Variants in COX4I2 observed in about 807,000 individuals in gnomAD.
The protein encoded by COX4I2 is cytochrome c oxidase subunit 4 isoform 2, mitochondrial.
A neutral mutation model predicts 20.8 loss-of-function variants in COX4I2; 15 were observed. That is an observed-to-expected ratio of 0.72 (90% CI 0.48 to 1.11). COX4I2 has a LOEUF of 1.11. Among genes scored for constraint, COX4I2 ranks in the 50% most tolerant of loss-of-function variants. The pLI, the probability that COX4I2 is intolerant of heterozygous loss-of-function variation, is 0.00. For missense variants in COX4I2, 224 were observed against 223.0 expected (o/e 1.00, Z -0.03); for synonymous variants, 80 against 78.1 (o/e 1.02, Z -0.13).
chr20:31,642,993 A>G (rs1426745173), intron 3 of COX4I2, among the ~76,000 whole-genome samples: 3 of 152,092 alleles, frequency 2.0e-5, no homozygotes, highest in Non-Finnish European at 4.4e-5. Context: ...CTCATTTGCT[A>G]AATTCTCTCT....
At chr20:31,642,566 A>G (rs1044530519) in intron 3 of COX4I2, among the ~76,000 whole-genome samples, 3 of 149,866 alleles carry the variant, frequency 2.0e-5, no homozygotes, top group Non-Finnish European at 4.4e-5. Context: ...CAGCCTCTCG[A>G]GTAGCTGGGA....
chr20:31,639,956 C>T lies in COX4I2; in HGVS notation c.106C>T (p.Pro36Ser). Reference sequence around the variant, plus strand: ...AGCCCGTGGTGGGGGGAAGATGTCCCCCTACACCAACTGCTATGCCCAGCG... The same window carrying T: ...AGCCCGTGGTGGGGGGAAGATGTCCTCCTACACCAACTGCTATGCCCAGCG... The part of the protein sequence containing the change: ...GTTRGGGKMS[P>S]YTNCYAQRYY... Residue 36 changes from proline to serine, a missense_variant, in exon 3 of 5, where the codon CCC (proline) becomes TCC (serine). Physicochemically the swap from Pro to Ser is moderately conservative, Grantham distance 74 (BLOSUM62 -1). Coordinates refer to ENST00000376075, the MANE Select transcript of COX4I2 (RefSeq NM_032609.3). 6.2e-7 allele frequency: 1 copy of T among 1,614,096 alleles called. No homozygotes were observed. Among genetic ancestry groups the T allele is most frequent in the Non-Finnish European group, 8.5e-7 (1 of 1,180,010 alleles).
At position 31,643,449 on chromosome 20, in the gene COX4I2, G is replaced by A. The variant is rs373809337; in HGVS notation, c.293G>A (p.Arg98His). Reference sequence around the variant, plus strand: ...GAGACCTTTGCGGAGATGAACCGTCGCTCCAATGAGTGGAAGACAGTGATG... The same window carrying A: ...GAGACCTTTGCGGAGATGAACCGTCACTCCAATGAGTGGAAGACAGTGATG... ...FNETFAEMNR[R>H]SNEWKTVMGC... is the part of the protein sequence containing the mutation. The change falls in exon 4 of 5, where the codon CGC becomes CAC. Residue 98 changes from arginine (R) to histidine (H), a missense_variant. Transcript: ENST00000376075. The A allele has an allele frequency of 6.2e-6, 10 of 1,614,132 alleles. No individual in the cohort carries two copies. Among genetic ancestry groups the A allele is most frequent in the Admixed American group, 1.7e-5 (1 of 60,000 alleles).
chr20:31,642,923 A>G (rs1055699720), intron 3 of COX4I2, among the ~76,000 whole-genome samples: 8 of 152,076 alleles, frequency 5.3e-5, no homozygotes, highest in African/African-American at 1.2e-4. Context: ...ACTCTTCTCC[A>G]TGGATTCTAA....
chr20:31,640,218 C>T, intron 3 of COX4I2, 121 bp downstream of exon 3: 1 of 1,022,866 alleles, frequency 9.8e-7, no homozygotes, highest in Non-Finnish European at 1.4e-6. Flanking sequence ...CCTCCAAACA[C>T]CTGAGGGGTG....
intron 3 of COX4I2, among the ~76,000 whole-genome samples, chr20:31,642,388 A>G (rs1000186674): frequency 2.7e-5 from 4 of 148,494 alleles, no homozygotes; most frequent in Admixed American, 2.7e-4. Context: ...ATTTATTTTC[A>G]TATTTATTTA....
chr20:31,639,234 A>C, intron 2 of COX4I2, 135 bp downstream of exon 2: 1 of 1,526,856 alleles, frequency 6.5e-7, no homozygotes, highest in East Asian at 2.5e-5. Flanking sequence ...CCATGATCCC[A>C]CTCCTTGGTC....
intron 3 of COX4I2, among the ~76,000 whole-genome samples, chr20:31,642,390 AT>A: frequency 7.5e-6 from 1 of 134,208 alleles, no homozygotes; most frequent in African/African-American, 2.8e-5. Context: ...TTATTTTCAT[AT>A]TTATTTAATG....
intron 2 of COX4I2, 72 bp from the exon 3 acceptor site, chr20:31,639,860 TC>T (rs1192324181): frequency 6.4e-7 from 1 of 1,570,002 alleles, no homozygotes; most frequent in Non-Finnish European, 8.7e-7. Flanking sequence ...CCGGCCACCT[TC>T]TTTATTAATA....
chr20:31,639,803 G>A lies in COX4I2; in HGVS notation c.83-130G>A, dbSNP rs993949981. 38 of 966,426 alleles carry A rather than the reference G, an allele frequency of 3.9e-5. No individual in the cohort carries two copies. In the South Asian group the frequency reaches 4.3e-4, roughly 11 times the overall value. The allele number at this position is 966,426 out of a possible 1,614,324, so 59.9% of individuals were successfully genotyped here. ...GAACTCCTGACCTCGTGATCCACCC[G>A]CCTCAGCCTCCCAAAATGCTAGGAT... On this transcript the variant is annotated intron_variant, in intron 2 of 4. Coordinates refer to ENST00000376075, the MANE Select transcript of COX4I2 (RefSeq NM_032609.3).
Position 31,639,990 on chromosome 20 carries a change from C to A in COX4I2, c.140C>A (p.Pro47His). The change falls in exon 3 of 5, where the codon CCC (proline) becomes CAC (histidine). Residue 47 changes from proline to histidine, a missense_variant. Coordinates refer to ENST00000376075, the MANE Select transcript of COX4I2 (RefSeq NM_032609.3). ...YTNCYAQRYY[P>H]MPEEPFCTEL... ...AACTGCTATGCCCAGCGCTACTACCCCATGCCAGAAGAGCCCTTCTGCACA... is the reference window on the plus strand; with the variant it reads ...AACTGCTATGCCCAGCGCTACTACCACATGCCAGAAGAGCCCTTCTGCACA... 1 of 1,614,118 alleles carries A rather than the reference C, an allele frequency of 6.2e-7. No individual in the cohort carries two copies.
rs564210225 is a variant in COX4I2, at chr20:31,641,701, C to CT, written c.247+1615dup. Among the ~76,000 whole-genome samples, 222 of 148,116 alleles carry CT rather than the reference C, an allele frequency of 1.5e-3. 1 individual carries two copies. Among genetic ancestry groups the CT allele is most frequent in the African/African-American group, 4.5e-3 (181 of 40,548 alleles). ...CAGTGTAACCTCACAGCTCAAACAA[C>CT]TTTTTTTTTTTCCTTTTCTTTGAGA... is the stretch of plus-strand genomic sequence containing the variant. On this transcript the variant is annotated intron_variant, in intron 3 of 4. Transcript: ENST00000376075.
At position 31,639,117 on chromosome 20, in the gene COX4I2, T is replaced by A. The variant is rs1403193268; in HGVS notation, c.82+18T>A. 1.3e-6 allele frequency: 2 copies of A among 1,596,628 alleles called. No homozygotes were observed. Among genetic ancestry groups the A allele is most frequent in the South Asian group, 2.3e-5 (2 of 87,988 alleles). Reference sequence around the variant, plus strand: ...AGGCACCAGTGAGACCTGGACTCCTTCCTCCCTGCCTAACTCCAGAGATAG... The same window carrying A: ...AGGCACCAGTGAGACCTGGACTCCTACCTCCCTGCCTAACTCCAGAGATAG... On this transcript the variant is annotated intron_variant, in intron 2 of 4. Coordinates refer to ENST00000376075, the MANE Select transcript of COX4I2 (RefSeq NM_032609.3).
rs762283502 is a variant in COX4I2 at position 31,643,484 on chromosome 20, T to G, written c.328T>G (p.Phe110Val). The G allele has an allele frequency of 5.6e-5, 91 of 1,613,784 alleles. No homozygotes were observed. The highest frequency in any genetic ancestry group is 3.5e-4 in the Admixed American group (21 of 59,988). Reference sequence around the variant, plus strand: ...GTGGAAGACAGTGATGGGTTGTGTCTTCTTCTTCATTGGATTCGCAGCTCT... The same window carrying G: ...GTGGAAGACAGTGATGGGTTGTGTCGTCTTCTTCATTGGATTCGCAGCTCT... Reference protein sequence around the residue: ...NEWKTVMGCVFFFIGFAALVI... With the variant: ...NEWKTVMGCVVFFIGFAALVI... Residue 110 changes from phenylalanine to valine, a missense_variant, in exon 4 of 5, where the codon TTC becomes GTC. Physicochemically the swap from Phe to Val is conservative, Grantham distance 50 (BLOSUM62 -1). Coordinates refer to ENST00000376075, the MANE Select transcript of COX4I2 (RefSeq NM_032609.3).
At chr20:31,641,363 GAAAAA>G (rs570887265) in intron 3 of COX4I2, among the ~76,000 whole-genome samples, 1 of 96,550 alleles carries the variant, frequency 1.0e-5, no homozygotes, top group African/African-American at 3.5e-5. Context: ...GACCCTGTCT[GAAAAA>G]AAAAAAAAAA....
rs45557936 is a variant in COX4I2, at chr20:31,638,887, G to A, written c.1-131G>A. ...AAATTAGAAGGGTCAAGGGCATGAG[G>A]GTGACCTTGAAACACTGGGACACCC... On this transcript the variant is annotated intron_variant, in intron 1 of 4. Coordinates refer to ENST00000376075, the MANE Select transcript of COX4I2 (RefSeq NM_032609.3). 0.2 allele frequency: 194,325 copies of A among 965,866 alleles called. 23,755 individuals carry two copies. The highest frequency in any genetic ancestry group is 0.47 in the African/African-American group (29,197 of 61,812). 59.8% of individuals were successfully genotyped at this position (965,866 alleles called of 1,614,324 possible). A position where few individuals can be genotyped will look rare whatever the true frequency, so the allele number is the denominator to read the frequency against.
At chr20:31,639,838 G>T in intron 2 of COX4I2, 95 bp from the exon 3 acceptor site, 1 of 1,417,528 alleles carries the variant, frequency 7.1e-7, no homozygotes, top group South Asian at 1.2e-5. Context: ...TTACAGGCAT[G>T]AGCCACCAAG....
chr20:31,644,718 G>C, intron 4 of COX4I2, 50 bp from the exon 5 acceptor site: 1 of 1,611,640 alleles, frequency 6.2e-7, no homozygotes, highest in Non-Finnish European at 8.5e-7. Context: ...GACCCTGGCT[G>C]GTGTAGGAAG....
chr20:31,642,135 G>A (rs754559481), intron 3 of COX4I2, among the ~76,000 whole-genome samples: 7 of 152,134 alleles, frequency 4.6e-5, no homozygotes, highest in Non-Finnish European at 8.8e-5. Flanking sequence ...TTACAGGCAT[G>A]AGCCATCATG....
Sources: allele counts gnomAD v4.1 joint callset (sites outside exome capture counted in the v4.1 genomes callset), GRCh38; gene constraint gnomAD v4.1.1; transcripts MANE v1.5; gene names NCBI Gene and HGNC (gene_info 2026-07-23, HGNC 2026-07-21).